Variants in REEP5 observed in about 807,000 individuals in gnomAD.
REEP5 encodes the protein receptor accessory protein 5, also known as receptor expression-enhancing protein 5.
In REEP5, 24 loss-of-function variants were observed where a neutral mutation model predicts 22.4. The ratio of observed to expected loss-of-function variants is 1.07; its 90% CI spans 0.78 to 1.51. REEP5 has a LOEUF of 1.51. Among genes scored for constraint, REEP5 ranks in the 40% most tolerant of loss-of-function variants. REEP5 has a pLI of 0.00. For missense variants in REEP5, 252 were observed against 233.0 expected (o/e 1.08, Z -0.53); for synonymous variants, 103 against 88.6 (o/e 1.16, Z -0.92).
At chr5:112,879,573 A>G (rs755744932) in intron 4 of REEP5, among the ~76,000 whole-genome samples, 125 of 152,234 alleles carry the variant, frequency 8.2e-4, no homozygotes, top group Middle Eastern at 6.8e-3. Flanking sequence ...TCCCGGGTTC[A>G]TGCCATTCTC....
At chr5:112,890,382 T>A (rs867145954) in intron 3 of REEP5, among the ~76,000 whole-genome samples, 10 of 140,838 alleles carry the variant, frequency 7.1e-5, no homozygotes, top group Non-Finnish European at 1.5e-4. Context: ...TTTTTTTTTT[T>A]AAATAAAAAA....
chr5:112,889,836 T>A, intron 3 of REEP5, among the ~76,000 whole-genome samples: 1 of 148,872 alleles, frequency 6.7e-6, no homozygotes, highest in Non-Finnish European at 1.5e-5. Context: ...AAAATTTTTT[T>A]TTTTTTTTGA....
chr5:112,898,630 A>G (rs902361351), intron 3 of REEP5, among the ~76,000 whole-genome samples: 3 of 152,204 alleles, frequency 2.0e-5, no homozygotes, highest in Non-Finnish European at 4.4e-5. Context: ...TGCTGACAAG[A>G]TAGTGTTCAC....
rs199875563 is a variant in REEP5 at position 112,921,206 on chromosome 5, G to A, written c.169C>T (p.Leu57Phe). 2 of 1,614,174 alleles carry A rather than the reference G, an allele frequency of 1.2e-6. No individual in the cohort carries two copies. Among genetic ancestry groups the A allele is most frequent in the South Asian group, 2.2e-5 (2 of 91,078 alleles). ...LYLVFGYGAS[L>F]LCNLIGFGYP... Reference sequence around the variant, plus strand: ...CCAAATCCTATCAGGTTGCAGAGGAGAGAGGCTCCATAACCGAACACCAGG... The same window carrying A: ...CCAAATCCTATCAGGTTGCAGAGGAAAGAGGCTCCATAACCGAACACCAGG... The change falls in exon 2 of 5, where the codon CTC becomes TTC. Residue 57 changes from leucine to phenylalanine, a missense_variant. Leu to Phe is a conservative substitution (Grantham distance 22). Transcript: ENST00000379638.
chr5:112,905,946 C>G (rs1044877909), intron 2 of REEP5, among the ~76,000 whole-genome samples: 4 of 152,196 alleles, frequency 2.6e-5, no homozygotes, highest in African/African-American at 9.7e-5. Flanking sequence ...TCTGATTAGA[C>G]TTCCTTGTCC....
At chr5:112,887,877 AAAT>A (rs1371307306) in intron 3 of REEP5, among the ~76,000 whole-genome samples, 8 of 152,252 alleles carry the variant, frequency 5.3e-5, no homozygotes, top group African/African-American at 1.9e-4. Flanking sequence ...CTGTTGATTC[AAAT>A]AATAAATACC....
chr5:112,905,829 C>T (rs1768946095), intron 2 of REEP5, among the ~76,000 whole-genome samples: 1 of 152,024 alleles, frequency 6.6e-6, no homozygotes, highest in African/African-American at 2.4e-5. Flanking sequence ...GCCTTGTTCC[C>T]CAGGCTGGTC....
rs149126168 is a variant in REEP5, at chr5:112,907,795, A to G, written c.213-5277T>C. Among the ~76,000 whole-genome samples the G allele has an allele frequency of 3.4e-3, 525 of 152,348 alleles. 4 individuals carry two copies. The highest frequency in any genetic ancestry group is 0.012 in the African/African-American group (502 of 41,586). Reference sequence around the variant, plus strand: ...GTTTACATTTTGGCACATCCGTACAATGAAATATTCTGAAGCCTTTAAAAA... The same window carrying G: ...GTTTACATTTTGGCACATCCGTACAGTGAAATATTCTGAAGCCTTTAAAAA... On this transcript the variant is annotated intron_variant, in intron 2 of 4. Coordinates refer to ENST00000379638, the MANE Select transcript of REEP5 (RefSeq NM_005669.5).
Position 112,881,049 on chromosome 5 carries a change from A to C in REEP5, c.521-2214T>G, listed in dbSNP as rs536733313. Reference sequence around the variant, plus strand: ...GAGGCTGAGGCAGCAGAATCCCTTGAACCTGGAAGGTGGAGGCTGCAGTGA... The same window carrying C: ...GAGGCTGAGGCAGCAGAATCCCTTGCACCTGGAAGGTGGAGGCTGCAGTGA... On this transcript the variant is annotated intron_variant, in intron 4 of 4. Coordinates refer to ENST00000379638, the MANE Select transcript of REEP5 (RefSeq NM_005669.5). Among the ~76,000 whole-genome samples, 3 of 145,960 alleles carry C rather than the reference A, an allele frequency of 2.1e-5. No homozygotes were observed. The East Asian group carries it at 6.1e-4, about 30-fold the overall frequency.
intron 2 of REEP5, among the ~76,000 whole-genome samples, chr5:112,920,258 T>A (rs1363665250): frequency 2.0e-5 from 3 of 152,234 alleles, no homozygotes; most frequent in Non-Finnish European, 4.4e-5. Flanking sequence ...GCCTAACTAG[T>A]GACAGATACA....
chr5:112,918,446 T>A (rs1299999890), intron 2 of REEP5, among the ~76,000 whole-genome samples: 1 of 152,160 alleles, frequency 6.6e-6, no homozygotes, highest in Non-Finnish European at 1.5e-5. Context: ...CCCAATTTCA[T>A]CTTTGCATCC....
At chr5:112,883,951 C>T (rs1768152600) in intron 4 of REEP5, among the ~76,000 whole-genome samples, 1 of 152,168 alleles carries the variant, frequency 6.6e-6, no homozygotes, top group Non-Finnish European at 1.5e-5. Context: ...ATTACTTCTA[C>T]CTTTGAAATA....
intron 4 of REEP5, among the ~76,000 whole-genome samples, chr5:112,882,454 C>G (rs1768109275): frequency 6.6e-6 from 1 of 152,220 alleles, no homozygotes; most frequent in Non-Finnish European, 1.5e-5. Context: ...CTTCATAGTT[C>G]TTGCTGGAAA....
intron 2 of REEP5, among the ~76,000 whole-genome samples, chr5:112,913,710 TC>T (rs1362282364): frequency 6.6e-6 from 1 of 152,136 alleles, no homozygotes. Context: ...GAAGAGTCAG[TC>T]ACAGTCAAAT....
intron 2 of REEP5, among the ~76,000 whole-genome samples, chr5:112,915,182 T>C (rs1036242854): frequency 1.3e-5 from 2 of 151,364 alleles, no homozygotes; most frequent in East Asian, 1.9e-4. Context: ...GAAGGACAAA[T>C]AGACTAAATC....
intron 2 of REEP5, among the ~76,000 whole-genome samples, chr5:112,904,084 G>C (rs1768903963): frequency 6.6e-6 from 1 of 152,062 alleles, no homozygotes; most frequent in Admixed American, 6.5e-5. Flanking sequence ...CTCCTGCCTT[G>C]GCCTCCCAAA....
At chr5:112,904,985 G>C (rs963863783) in intron 2 of REEP5, among the ~76,000 whole-genome samples, 4 of 152,122 alleles carry the variant, frequency 2.6e-5, no homozygotes, top group Admixed American at 6.5e-5. Context: ...CAAGGCATAT[G>C]AAAGAAGCCA....
chr5:112,918,831 C>G (rs1446850725), intron 2 of REEP5, among the ~76,000 whole-genome samples: 1 of 152,190 alleles, frequency 6.6e-6, no homozygotes, highest in Non-Finnish European at 1.5e-5. Context: ...CTGACACACT[C>G]TTCTCCCTCT....
At chr5:112,900,892 C>T (rs1026150503) in intron 3 of REEP5, among the ~76,000 whole-genome samples, 2 of 151,246 alleles carry the variant, frequency 1.3e-5, no homozygotes, top group Admixed American at 6.6e-5. Context: ...GGCTGGAGTG[C>T]AGTAGTGTGA....
Sources: allele counts gnomAD v4.1 joint callset (sites outside exome capture counted in the v4.1 genomes callset), GRCh38; gene constraint gnomAD v4.1.1; transcripts MANE v1.5; gene names NCBI Gene and HGNC (gene_info 2026-07-23, HGNC 2026-07-21).